The following JAK1 variants were observed in gnomAD, a reference collection of about 807,000 sequenced individuals.
JAK1 encodes Janus kinase 1.
JAK1 carries 16 observed loss-of-function variants against 136.6 expected under a neutral mutation model. That is an observed-to-expected ratio of 0.12 (90% CI 0.08 to 0.18). The LOEUF is 0.18. Ranked by LOEUF, JAK1 falls within the 10% of genes least tolerant of loss-of-function variation. The pLI, the probability that JAK1 is intolerant of heterozygous loss-of-function variation, is 1.00. For missense variants in JAK1, 859 were observed against 1,450.1 expected (o/e 0.59, Z 6.62); for synonymous variants, 492 against 519.5 (o/e 0.95, Z 0.72).
intron 1 of JAK1, among the ~76,000 whole-genome samples, chr1:64,900,239 C>CTA (rs1557676028): frequency 6.6e-6 from 1 of 152,104 alleles, no homozygotes; most frequent in Admixed American, 6.6e-5. Context: ...TTGTCATTGA[C>CTA]TGATAGAGAT....
At chr1:64,900,553 A>G (rs927955173) in intron 1 of JAK1, among the ~76,000 whole-genome samples, 7 of 152,144 alleles carry the variant, frequency 4.6e-5, no homozygotes, top group Non-Finnish European at 1.0e-4. Context: ...AACTGCGACC[A>G]TATCCACTTG....
At chr1:65,023,660 T>C (rs971502195) in intron 2 of JAK1, among the ~76,000 whole-genome samples, 4 of 152,140 alleles carry the variant, frequency 2.6e-5, no homozygotes, top group Admixed American at 2.6e-4. Flanking sequence ...ATTGTTTGTA[T>C]TTTTAGTAGA....
At chr1:64,939,392 C>A (rs924182) in intron 1 of JAK1, among the ~76,000 whole-genome samples, 143,616 of 152,306 alleles carry the variant, frequency 0.94, 68,281 homozygotes, top group East Asian at 1. Context: ...TGCCAACTTC[C>A]ATACATTCAC....
chr1:64,880,976 A>AATAG (rs1338371203), intron 3 of JAK1, among the ~76,000 whole-genome samples: 1 of 151,978 alleles, frequency 6.6e-6, no homozygotes, highest in Non-Finnish European at 1.5e-5. Flanking sequence ...TAAATAAATA[A>AATAG]ATAATTTTTT....
intron 9 of JAK1, chr1:64,859,897 G>A: frequency 2.5e-6 from 1 of 399,560 alleles, no homozygotes; most frequent in South Asian, 8.2e-5. Flanking sequence ...AAGTAAAGAA[G>A]CAGCATTGAG....
At chr1:65,001,547 CGT>C (rs997582666) in intron 2 of JAK1, among the ~76,000 whole-genome samples, 1 of 151,626 alleles carries the variant, frequency 6.6e-6, no homozygotes, top group African/African-American at 2.4e-5. Flanking sequence ...TGCATGTGTG[CGT>C]GTGTGTGTGG....
Position 64,839,780 on chromosome 1 carries a change from C to T in JAK1, c.2665G>A (p.Val889Ile), listed in dbSNP as rs1367578545. The T allele has an allele frequency of 6.2e-7, 1 of 1,608,674 alleles. No homozygotes were observed. The highest frequency in any genetic ancestry group is 1.7e-5 in the Admixed American group (1 of 59,140). ...TCGGGGTCATACCTGCAGAGCTCAA[C>T]CTTCCCAAAGTGGCCCTGGAGGGAA... Reference protein sequence around the residue: ...RDLGEGHFGKVELCRYDPEGD... With the variant: ...RDLGEGHFGKIELCRYDPEGD... The change falls in exon 20 of 25, where the codon GTT becomes ATT. Residue 889 changes from valine to isoleucine, a missense_variant. By Grantham distance (29) the Val-to-Ile change is conservative (BLOSUM62 3). Around this residue, in one of 4 missense-constraint regions of JAK1, gnomAD observed 409 missense variants for 753.8 expected, o/e 0.54. Transcript: ENST00000342505.
chr1:64,840,541 TA>T (rs1654827919), intron 19 of JAK1, among the ~76,000 whole-genome samples: 1 of 152,236 alleles, frequency 6.6e-6, no homozygotes, highest in Admixed American at 6.5e-5. Flanking sequence ...ATCCCTGCTC[TA>T]AAGAGCCTTA....
At chr1:65,063,038 C>A (rs1312628788) in intron 1 of JAK1, among the ~76,000 whole-genome samples, 1 of 152,192 alleles carries the variant, frequency 6.6e-6, no homozygotes, top group Non-Finnish European at 1.5e-5. Flanking sequence ...CAAAACAAAA[C>A]CCAAAGACAG....
chr1:64,994,098 G>A (rs1415724601), intron 2 of JAK1, among the ~76,000 whole-genome samples: 1 of 151,992 alleles, frequency 6.6e-6, no homozygotes, highest in East Asian at 1.9e-4. Context: ...ACACCACCAT[G>A]CCCAGCTAAT....
In JAK1 at chr1:64,873,427, CT is replaced by C; in HGVS notation, c.425del (p.Lys142ArgfsTer26). ...KKQKNGYEKK[K>X]IPDATPLLDA... ...CAAGGAGAGGGGTTGCATCTGGAAT[CT>C]TTTTTTTCTCGTAGCCATTTTTCTG... On this transcript the variant is annotated frameshift_variant, in exon 5 of 25. Coordinates refer to ENST00000342505, the MANE Select transcript of JAK1 (RefSeq NM_002227.4). LOFTEE classifies it high-confidence loss of function. 1 of 1,614,014 alleles carries C rather than the reference CT, an allele frequency of 6.2e-7. No homozygotes were observed. Among genetic ancestry groups the C allele is most frequent in the South Asian group, 1.1e-5 (1 of 91,080 alleles).
chr1:64,919,797 A>G (rs1645463905), intron 1 of JAK1, among the ~76,000 whole-genome samples: 2 of 152,104 alleles, frequency 1.3e-5, no homozygotes, highest in African/African-American at 4.8e-5. Flanking sequence ...GACTTTTCCT[A>G]ATGAGTCTTT....
intron 2 of JAK1, among the ~76,000 whole-genome samples, chr1:65,040,022 C>T (rs770502103): frequency 1.1e-4 from 16 of 152,146 alleles, no homozygotes; most frequent in Non-Finnish European, 2.4e-4. Context: ...CAAGACCAGC[C>T]TGGCCAACAT....
chr1:64,987,074 T>C (rs774688810), intron 2 of JAK1, among the ~76,000 whole-genome samples: 1 of 152,214 alleles, frequency 6.6e-6, no homozygotes, highest in Non-Finnish European at 1.5e-5. Flanking sequence ...GCACAAGGTC[T>C]AGCACAATTT....
intron 1 of JAK1, among the ~76,000 whole-genome samples, chr1:64,965,578 A>T (rs1646358555): frequency 6.6e-6 from 1 of 152,092 alleles, no homozygotes; most frequent in South Asian, 2.1e-4. Flanking sequence ...CGATGCGCGG[A>T]TGGAGTTGGA....
chr1:64,851,084 G>A (rs1655563062), intron 11 of JAK1, among the ~76,000 whole-genome samples, 174 bp from the exon 12 acceptor site: 21 of 152,142 alleles, frequency 1.4e-4, no homozygotes, highest in Admixed American at 1.4e-3. Flanking sequence ...AGCTCAGAGG[G>A]TAACGACAGA....
intron 2 of JAK1, among the ~76,000 whole-genome samples, chr1:65,011,269 A>G (rs1646846500): frequency 6.6e-6 from 1 of 152,078 alleles, no homozygotes; most frequent in South Asian, 2.1e-4. Context: ...TGAGCTCAGG[A>G]GTTTGAGACC....
chr1:65,050,902 T>C (rs1268902106), intron 1 of JAK1, among the ~76,000 whole-genome samples: 2 of 152,308 alleles, frequency 1.3e-5, no homozygotes, highest in African/African-American at 4.8e-5. Context: ...CTCAGGTTCT[T>C]CAATTAGGAA....
intron 2 of JAK1, chr1:64,985,045 C>T: frequency 2.3e-6 from 2 of 868,020 alleles, no homozygotes; most frequent in Non-Finnish European, 4.0e-6. Context: ...AACAAACAAA[C>T]AGACATGAGG....
Sources: gnomAD v4.1 joint callset for allele counts (sites outside exome capture counted in the v4.1 genomes callset) on GRCh38, gnomAD v4.1.1 for gene constraint, gnomAD v4.1.1 regional missense constraint, MANE v1.5 for transcripts, NCBI Gene and HGNC (gene_info 2026-07-23, HGNC 2026-07-21) for gene names.